TMEM170A: variants seen among roughly 807,000 people sequenced by gnomAD.
TMEM170A encodes the protein transmembrane protein 170A.
Under a neutral mutation model 12.8 loss-of-function variants are expected in TMEM170A, and 18 were observed. That is an observed-to-expected ratio of 1.41 (90% CI 0.97 to 2.09). The LOEUF (loss-of-function observed/expected upper bound fraction) is 2.09. Among genes scored for constraint, TMEM170A ranks in the 30% most tolerant of loss-of-function variants. The probability of loss-of-function intolerance (pLI) is 0.00; values close to 1 mark genes in which losing one functional copy is unlikely to be tolerated. For synonymous variants in TMEM170A, 107 were observed against 76.2 expected (o/e 1.40, Z -2.11); for missense variants, 220 against 179.9 (o/e 1.22, Z -1.28).
At chr16:75,453,415 C>A (rs1236566662) in intron 1 of TMEM170A, among the ~76,000 whole-genome samples, 2 of 152,170 alleles carry the variant, frequency 1.3e-5, no homozygotes, top group African/African-American at 4.8e-5. Flanking sequence ...GCCTGGGCAA[C>A]AGGGTGAGAC....
Position 75,447,349 on chromosome 16 carries a change from T to G in TMEM170A, c.*209A>C. On this transcript the variant is annotated 3_prime_UTR_variant, in exon 3 of 3. Transcript: ENST00000561878. Reference sequence around the variant, plus strand: ...CTACAAAAAAGAAAGCCAAAAGACTTGTTTTGGTTGAGAACAATAGGAGTC... The same window carrying G: ...CTACAAAAAAGAAAGCCAAAAGACTGGTTTTGGTTGAGAACAATAGGAGTC... 2.4e-6 allele frequency: 1 copy of G among 412,106 alleles called. No homozygotes were observed. Among genetic ancestry groups the G allele is most frequent in the South Asian group, 1.1e-4 (1 of 9,180 alleles). The allele number at this position is 412,106 out of a possible 1,614,324, so 25.5% of individuals were successfully genotyped here.
intron 2 of TMEM170A, among the ~76,000 whole-genome samples, chr16:75,448,661 G>T (rs549143139): frequency 6.6e-6 from 1 of 152,066 alleles, no homozygotes; most frequent in Non-Finnish European, 1.5e-5. Flanking sequence ...CTACTCGGGA[G>T]GCTGAGGCAG....
intron 1 of TMEM170A, among the ~76,000 whole-genome samples, chr16:75,457,242 C>T (rs1166470932): frequency 6.6e-6 from 1 of 152,206 alleles, no homozygotes; most frequent in African/African-American, 2.4e-5. Context: ...GCCACAGAAC[C>T]ACTGAGGCCT....
At chr16:75,460,473 C>G (rs1410183585) in intron 1 of TMEM170A, among the ~76,000 whole-genome samples, 1 of 152,146 alleles carries the variant, frequency 6.6e-6, no homozygotes, top group East Asian at 1.9e-4. Flanking sequence ...GCTCCTGTTT[C>G]AGGGCCTCTG....
At chr16:75,458,223 A>G (rs1011838351) in intron 1 of TMEM170A, 1 of 152,214 alleles carries the variant, frequency 6.6e-6, no homozygotes, top group African/African-American at 2.4e-5. Context: ...TCATCTCCCT[A>G]TGGTGAAGGT....
Position 75,446,416 on chromosome 16 carries a change from T to TA in TMEM170A, c.*1141dup, listed in dbSNP as rs1388013593. 2 of 152,124 alleles carry TA rather than the reference T, an allele frequency of 1.3e-5. No individual in the cohort carries two copies. The highest frequency in any genetic ancestry group is 2.4e-5 in the African/African-American group (1 of 41,424). 9.4% of individuals were successfully genotyped at this position (152,124 alleles called of 1,614,324 possible). A position where few individuals can be genotyped will look rare whatever the true frequency, so the allele number is the denominator to read the frequency against. On this transcript the variant is annotated 3_prime_UTR_variant, in exon 3 of 3. Transcript: ENST00000561878. ...AATTTAAATAGCTAAAATTAAGTTT[T>TA]AAAAAAACTCTTGATATTTAAATCT... is the stretch of plus-strand genomic sequence containing the variant.
chr16:75,456,143 G>C (rs2079790922), intron 1 of TMEM170A, among the ~76,000 whole-genome samples: 1 of 152,076 alleles, frequency 6.6e-6, no homozygotes, highest in Admixed American at 6.6e-5. Context: ...ACAGATGACT[G>C]CTCAAATTCT....
chr16:75,462,073 G>C (rs1294925414), intron 1 of TMEM170A, among the ~76,000 whole-genome samples: 1 of 152,164 alleles, frequency 6.6e-6, no homozygotes, highest in African/African-American at 2.4e-5. Context: ...TTACAGTAGA[G>C]AGTTCTGATA....
At chr16:75,459,867 A>T (rs563273708) in intron 1 of TMEM170A, 1 of 152,676 alleles carries the variant, frequency 6.5e-6, no homozygotes, top group Admixed American at 6.5e-5. Flanking sequence ...AAAAAAAAAA[A>T]AAGTCTTACG....
In TMEM170A at chr16:75,447,664, C is replaced by T. The variant is rs1356337001; in HGVS notation, c.329G>A (p.Arg110Gln). The T allele has an allele frequency of 5.0e-6, 8 of 1,603,632 alleles. No homozygotes were observed. Among genetic ancestry groups the T allele is most frequent in the East Asian group, 2.2e-5 (1 of 44,456 alleles). ...LTSAAIAGVY[R>Q]AAGKEMIPFE... ...TGGTATCATTTCCTTCCCTGCTGCT[C>T]GGTAAACTCCAGCAATAGCTGCACC... Residue 110 changes from arginine (R) to glutamine (Q), a missense_variant, in exon 3 of 3, where the codon CGA (arginine) becomes CAA (glutamine). By Grantham distance (43) the Arg-to-Gln change is conservative. Coordinates refer to ENST00000561878, the MANE Select transcript of TMEM170A (RefSeq NM_145254.3).
At chr16:75,450,180 C>CAAAAAAAAAA (rs34044750) in intron 2 of TMEM170A, among the ~76,000 whole-genome samples, 1 of 116,284 alleles carries the variant, frequency 8.6e-6, no homozygotes. Context: ...CACTTTCTCT[C>CAAAAAAAAAA]AAAAAAAAAA....
At chr16:75,448,924 T>C (rs2079632816) in intron 2 of TMEM170A, among the ~76,000 whole-genome samples, 1 of 151,694 alleles carries the variant, frequency 6.6e-6, no homozygotes, top group Non-Finnish European at 1.5e-5. Context: ...TAGCTGGGTG[T>C]AGTGAACGTG....
At chr16:75,455,490 C>T (rs1320252520) in intron 1 of TMEM170A, among the ~76,000 whole-genome samples, 1 of 151,998 alleles carries the variant, frequency 6.6e-6, no homozygotes, top group Non-Finnish European at 1.5e-5. Context: ...ACAATAAACA[C>T]TCATGTGGAA....
rs1482538968 is a variant in TMEM170A, at chr16:75,445,823, G to GT, written c.*1734dup. ...CTTTAAATGGAATAGATACGTTCAT[G>GT]TGTATATGACCTCATGGGCTGTTAA... On this transcript the variant is annotated 3_prime_UTR_variant, in exon 3 of 3. Coordinates refer to ENST00000561878, the MANE Select transcript of TMEM170A (RefSeq NM_145254.3). 3 of 151,906 alleles carry GT rather than the reference G, an allele frequency of 2.0e-5. No homozygotes were observed. The highest frequency in any genetic ancestry group is 3.9e-4 in the East Asian group (2 of 5,150). The allele number at this position is 151,906 out of a possible 1,614,324, so 9.4% of individuals were successfully genotyped here.
intron 1 of TMEM170A, among the ~76,000 whole-genome samples, chr16:75,462,823 A>C (rs1209958997): frequency 6.6e-6 from 1 of 152,242 alleles, no homozygotes; most frequent in Non-Finnish European, 1.5e-5. Context: ...GGGGAAATGT[A>C]AACAAGGCCC....
intron 1 of TMEM170A, among the ~76,000 whole-genome samples, chr16:75,463,415 CT>C (rs370895108): frequency 6.6e-6 from 1 of 152,138 alleles, no homozygotes; most frequent in African/African-American, 2.4e-5. Flanking sequence ...GCCTGATGAC[CT>C]TACCCGCTAC....
upstream of TMEM170A, chr16:75,464,702 G>T: frequency 1.4e-6 from 2 of 1,443,766 alleles, no homozygotes; most frequent in Non-Finnish European, 1.8e-6. Context: ...CTCCAGCCGG[G>T]GTCCTCTTCC....
chr16:75,457,062 C>T (rs889765360), intron 1 of TMEM170A, among the ~76,000 whole-genome samples: 1 of 152,224 alleles, frequency 6.6e-6, no homozygotes, highest in African/African-American at 2.4e-5. Context: ...AACCTGCCTC[C>T]AAGAACTCAG....
chr16:75,453,880 C>A (rs2151636436), intron 1 of TMEM170A, among the ~76,000 whole-genome samples: 1 of 152,350 alleles, frequency 6.6e-6, no homozygotes, highest in Non-Finnish European at 1.5e-5. Flanking sequence ...ACAAAACCAT[C>A]CTGCTGGAAT....
Sources: gnomAD v4.1 joint callset for allele counts (sites outside exome capture counted in the v4.1 genomes callset) on GRCh38, gnomAD v4.1.1 for gene constraint, MANE v1.5 for transcripts, NCBI Gene and HGNC (gene_info 2026-07-23, HGNC 2026-07-21) for gene names.